The following SLC26A5 variants were observed in gnomAD, a reference collection of about 807,000 sequenced individuals.
SLC26A5 encodes prestin.
Under a neutral mutation model 81.0 loss-of-function variants are expected in SLC26A5, and 51 were observed. The observed-to-expected ratio is 0.63, with a 90% confidence interval of 0.50 to 0.80. The LOEUF (loss-of-function observed/expected upper bound fraction) is 0.80. Ranked by LOEUF, SLC26A5 falls within the 30% of genes least tolerant of loss-of-function variation. The pLI, the probability that SLC26A5 is intolerant of heterozygous loss-of-function variation, is 0.00. For missense variants in SLC26A5, 771 were observed against 905.8 expected (o/e 0.85, Z 1.91); for synonymous variants, 325 against 332.8 (o/e 0.98, Z 0.25).
intron 7 of SLC26A5, among the ~76,000 whole-genome samples, chr7:103,409,192 T>G (rs1824288113): frequency 6.6e-6 from 1 of 152,246 alleles, no homozygotes; most frequent in African/African-American, 2.4e-5. Context: ...ATGCGATTAA[T>G]GGTTTACAAT....
chr7:103,421,795 CT>C (rs1349158617), intron 2 of SLC26A5, among the ~76,000 whole-genome samples: 1 of 152,152 alleles, frequency 6.6e-6, no homozygotes, highest in Non-Finnish European at 1.5e-5. Flanking sequence ...AATGTGTGTA[CT>C]TTTAACAAAA....
chr7:103,362,239 C>A, intron 19 of SLC26A5: 2 of 1,439,896 alleles, frequency 1.4e-6, no homozygotes, highest in Non-Finnish European at 1.8e-6. Flanking sequence ...ATTCTGTCTT[C>A]TGCATCTGCT....
intron 8 of SLC26A5, among the ~76,000 whole-genome samples, chr7:103,407,557 CAATT>C (rs1454713867): frequency 6.6e-6 from 1 of 152,126 alleles, no homozygotes; most frequent in Non-Finnish European, 1.5e-5. Context: ...CATTACAAAA[CAATT>C]AGCCAATAAA....
At chr7:103,368,253 G>T in intron 19 of SLC26A5, 1 of 556,254 alleles carries the variant, frequency 1.8e-6, no homozygotes. Context: ...CTATTTTTTT[G>T]ACCCACACCC....
chr7:103,416,010 T>A (rs1824880425), intron 4 of SLC26A5, among the ~76,000 whole-genome samples: 1 of 152,186 alleles, frequency 6.6e-6, no homozygotes, highest in Admixed American at 6.5e-5. Context: ...TCCTCTACTT[T>A]ATCTTCCAAC....
intron 19 of SLC26A5, among the ~76,000 whole-genome samples, chr7:103,361,221 C>T (rs1330618382): frequency 6.6e-5 from 10 of 151,694 alleles, no homozygotes; most frequent in East Asian, 3.9e-4. Context: ...TGGTGGCTCA[C>T]GCCTGTAATC....
intron 7 of SLC26A5, 82 bp downstream of exon 7, chr7:103,410,303 T>C: frequency 8.1e-7 from 1 of 1,233,058 alleles, no homozygotes; most frequent in South Asian, 1.3e-5. Context: ...AAATGAGTCT[T>C]GAAAGTAAAA....
At chr7:103,394,497 T>C (rs1822928875) in intron 9 of SLC26A5, among the ~76,000 whole-genome samples, 1 of 152,132 alleles carries the variant, frequency 6.6e-6, no homozygotes, top group South Asian at 2.1e-4. Flanking sequence ...GAAAAGGACA[T>C]ATTTTGGAAC....
intron 1 of SLC26A5, among the ~76,000 whole-genome samples, chr7:103,444,874 C>G (rs1827165475): frequency 6.6e-6 from 1 of 152,126 alleles, no homozygotes; most frequent in Non-Finnish European, 1.5e-5. Context: ...GCCTGAAAGT[C>G]TTCTGATACA....
chr7:103,442,102 A>ATGCCAGTCCAT (rs1424865068), intron 2 of SLC26A5, among the ~76,000 whole-genome samples: 1 of 151,958 alleles, frequency 6.6e-6, no homozygotes, highest in Non-Finnish European at 1.5e-5. Flanking sequence ...GCCTGGGCCT[A>ATGCCAGTCCAT]TGCCAGTCCA....
chr7:103,373,179 A>G (rs1457453675), downstream of SLC26A5, among the ~76,000 whole-genome samples: 12 of 152,212 alleles, frequency 7.9e-5, no homozygotes. Flanking sequence ...AATTCATTCA[A>G]TGCCAAAGGA....
chr7:103,359,172 A>ATTTTTTTTTTTTTTTTTTTTT (rs1586155184), intron 19 of SLC26A5, among the ~76,000 whole-genome samples: 3 of 58,386 alleles, frequency 5.1e-5, no homozygotes, highest in African/African-American at 6.7e-5. Flanking sequence ...TTTTTTTTTA[A>ATTTTTTTTTTTTTTTTTTTTT]TTTTTAGTAG....
At chr7:103,427,384 T>C (rs1562801479) in intron 2 of SLC26A5, among the ~76,000 whole-genome samples, 1 of 152,108 alleles carries the variant, frequency 6.6e-6, no homozygotes, top group African/African-American at 2.4e-5. Flanking sequence ...GGCCTCATCA[T>C]AGATTTTAAA....
chr7:103,431,607 T>C (rs950596899), intron 2 of SLC26A5, among the ~76,000 whole-genome samples: 18 of 152,208 alleles, frequency 1.2e-4, no homozygotes, highest in Non-Finnish European at 1.5e-5. Flanking sequence ...ATTACAGGTG[T>C]GAGCCACTGT....
chr7:103,421,427 C>T lies in SLC26A5; in HGVS notation c.88G>A (p.Glu30Lys), dbSNP rs1825342636. The change falls in exon 3 of 20, where the codon GAA becomes AAA. Residue 30 changes from glutamate (E) to lysine (K), a missense_variant. By Grantham distance (56) the Glu-to-Lys change is moderately conservative (BLOSUM62 1). Transcript: ENST00000306312. ...ACCTTGTCCTTTGTGTGTAGTCTTTCCTGGAGGACCGGATGACTAAAGATA... is the reference window on the plus strand; with the variant it reads ...ACCTTGTCCTTTGTGTGTAGTCTTTTCTGGAGGACCGGATGACTAAAGATA... Reference protein sequence around the residue: ...RPIFSHPVLQERLHTKDKVPD... With the variant: ...RPIFSHPVLQKRLHTKDKVPD... 3 of 1,613,958 alleles carry T rather than the reference C, an allele frequency of 1.9e-6. No individual in the cohort carries two copies. Among genetic ancestry groups the T allele is most frequent in the South Asian group, 2.2e-5 (2 of 91,088 alleles).
chr7:103,371,198 A>C (rs1821009940), downstream of SLC26A5, among the ~76,000 whole-genome samples: 1 of 152,268 alleles, frequency 6.6e-6, no homozygotes, highest in Non-Finnish European at 1.5e-5. Flanking sequence ...TGATAAAACA[A>C]AAATATATTT....
At chr7:103,438,623 G>A (rs1826640992) in intron 2 of SLC26A5, among the ~76,000 whole-genome samples, 1 of 152,020 alleles carries the variant, frequency 6.6e-6, no homozygotes. Context: ...AAAGTGCTGG[G>A]ATTACAAGTG....
At chr7:103,353,661 A>T (rs1249554026) in intron 19 of SLC26A5, among the ~76,000 whole-genome samples, 4 of 152,122 alleles carry the variant, frequency 2.6e-5, no homozygotes, top group African/African-American at 9.7e-5. Context: ...TCCTTAATGG[A>T]TGTGTTTTAT....
chr7:103,422,693 A>G (rs1825439620), intron 2 of SLC26A5, among the ~76,000 whole-genome samples: 1 of 152,278 alleles, frequency 6.6e-6, no homozygotes, highest in Non-Finnish European at 1.5e-5. Flanking sequence ...TGAAGATCTG[A>G]TTATGCTGCT....
Sources: allele counts gnomAD v4.1 joint callset (sites outside exome capture counted in the v4.1 genomes callset), GRCh38; gene constraint gnomAD v4.1.1; transcripts MANE v1.5; gene names NCBI Gene and HGNC (gene_info 2026-07-23, HGNC 2026-07-21).